KCNMA1: variants seen among roughly 807,000 people sequenced by gnomAD.
KCNMA1 encodes the protein potassium calcium-activated channel subfamily M alpha 1, also known as Calcium-activated potassium channel subunit alpha-1.
Under a neutral mutation model 140.0 loss-of-function variants are expected in KCNMA1, and 29 were observed. That is an observed-to-expected ratio of 0.21 (90% CI 0.15 to 0.28). The LOEUF is 0.28. KCNMA1 is among the 10% of genes least tolerant of loss of function. The probability of loss-of-function intolerance (pLI) is 1.00; values close to 1 mark genes in which losing one functional copy is unlikely to be tolerated. For missense variants in KCNMA1, 880 were observed against 1,602.2 expected, an observed-to-expected ratio of 0.55 and a Z score of 7.70; for synonymous variants, 612 against 611.9, an observed-to-expected ratio of 1.00 and a Z score of 0.00.
intron 2 of KCNMA1, among the ~76,000 whole-genome samples, chr10:77,329,152 T>C (rs901817755): frequency 6.6e-6 from 1 of 152,182 alleles, no homozygotes; most frequent in African/African-American, 2.4e-5. Context: ...TATATATCTA[T>C]ATTTTTAGTC....
At chr10:77,063,126 T>C (rs1565860509) in intron 14 of KCNMA1, among the ~76,000 whole-genome samples, 1 of 152,184 alleles carries the variant, frequency 6.6e-6, no homozygotes, top group African/African-American at 2.4e-5. Context: ...TGAAAATGTA[T>C]ATCTCAGCCA....
chr10:77,164,461 C>T (rs2098609556), intron 5 of KCNMA1, among the ~76,000 whole-genome samples: 1 of 152,088 alleles, frequency 6.6e-6, no homozygotes, highest in African/African-American at 2.4e-5. Context: ...TTTTAAAACA[C>T]AGACACAAAC....
At chr10:77,519,238 CCTT>C (rs1164678236) in intron 1 of KCNMA1, among the ~76,000 whole-genome samples, 1 of 152,246 alleles carries the variant, frequency 6.6e-6, no homozygotes, top group East Asian at 1.9e-4. Flanking sequence ...ATTAAGGCAA[CCTT>C]CTCCATCACC....
intron 5 of KCNMA1, among the ~76,000 whole-genome samples, chr10:77,131,861 A>C (rs1420236900): frequency 1.3e-5 from 2 of 150,464 alleles, no homozygotes; most frequent in African/African-American, 2.4e-5. Flanking sequence ...GCTACTTGGG[A>C]GGCTGAGGCA....
At chr10:77,501,812 TTCTC>T (rs2154545287) in intron 1 of KCNMA1, among the ~76,000 whole-genome samples, 1 of 152,292 alleles carries the variant, frequency 6.6e-6, no homozygotes, top group African/African-American at 2.4e-5. Context: ...ACAGAACAAA[TTCTC>T]TCTGTCTGTG....
At chr10:76,970,279 G>T in intron 19 of KCNMA1, 3 of 507,334 alleles carry the variant, frequency 5.9e-6, no homozygotes, top group Non-Finnish European at 1.1e-5. Flanking sequence ...TCCAGCCTTT[G>T]AACATACACT....
intron 1 of KCNMA1, among the ~76,000 whole-genome samples, chr10:77,509,179 G>A (rs1422004724): frequency 2.6e-5 from 4 of 152,042 alleles, no homozygotes; most frequent in African/African-American, 4.8e-5. Context: ...GGAGTGCAGT[G>A]ATGCAATCTC....
chr10:77,439,089 AGAG>A (rs1427065732), intron 1 of KCNMA1, among the ~76,000 whole-genome samples: 11 of 69,978 alleles, frequency 1.6e-4, no homozygotes, highest in African/African-American at 3.5e-4. Context: ...AGAAAAGAAA[AGAG>A]AAGAGAAGAG....
At chr10:77,127,447 C>T (rs1315836069) in intron 5 of KCNMA1, among the ~76,000 whole-genome samples, 1 of 152,132 alleles carries the variant, frequency 6.6e-6, no homozygotes, top group Non-Finnish European at 1.5e-5. Context: ...GACTCAAGCA[C>T]ACACTTTCAA....
chr10:77,204,201 G>C (rs1565196092), intron 3 of KCNMA1, among the ~76,000 whole-genome samples: 2 of 152,066 alleles, frequency 1.3e-5, no homozygotes, highest in African/African-American at 2.4e-5. Context: ...GCATTCAAAG[G>C]ACTGATTTGT....
intron 1 of KCNMA1, among the ~76,000 whole-genome samples, chr10:77,606,569 C>T (rs562682996): frequency 1.3e-4 from 20 of 152,226 alleles, no homozygotes; most frequent in African/African-American, 4.1e-4. Flanking sequence ...ATGACCATGC[C>T]ACTGCACTCT....
chr10:77,562,057 A>G (rs1216800889), intron 1 of KCNMA1, among the ~76,000 whole-genome samples: 4 of 152,238 alleles, frequency 2.6e-5, no homozygotes, highest in Non-Finnish European at 5.9e-5. Context: ...GACAGAGTCA[A>G]AATGAAAATC....
At chr10:77,022,181 T>C (rs371644462) in intron 16 of KCNMA1, among the ~76,000 whole-genome samples, 69 of 152,290 alleles carry the variant, frequency 4.5e-4, no homozygotes, top group African/African-American at 1.6e-3. Context: ...TTTGTTCTAC[T>C]GACTGCCAAA....
chr10:77,320,659 C>T (rs2082092750), intron 2 of KCNMA1, among the ~76,000 whole-genome samples: 1 of 152,144 alleles, frequency 6.6e-6, no homozygotes, highest in African/African-American at 2.4e-5. Context: ...CTCGTTGTTA[C>T]CTGCCAGCAC....
chr10:77,106,904 A>C (rs747932614), intron 9 of KCNMA1, among the ~76,000 whole-genome samples: 2 of 152,180 alleles, frequency 1.3e-5, no homozygotes, highest in Non-Finnish European at 2.9e-5. Flanking sequence ...GCTCCATTAG[A>C]GGGAAGATGG....
chr10:77,308,934 C>T (rs2078537497), intron 2 of KCNMA1, among the ~76,000 whole-genome samples: 1 of 152,160 alleles, frequency 6.6e-6, no homozygotes, highest in African/African-American at 2.4e-5. Flanking sequence ...AAATGGCCGC[C>T]AAGTCAGGAT....
At chr10:76,969,642 T>C (rs74388701) in intron 20 of KCNMA1, among the ~76,000 whole-genome samples, 160 of 152,298 alleles carry the variant, frequency 1.1e-3, no homozygotes, top group Non-Finnish European at 2.1e-3. Flanking sequence ...GTTTCTCTGA[T>C]TGGTTACCGC....
At chr10:77,263,729 G>T (rs755851554) in intron 2 of KCNMA1, among the ~76,000 whole-genome samples, 23 of 152,096 alleles carry the variant, frequency 1.5e-4, no homozygotes, top group Non-Finnish European at 3.1e-4. Context: ...TTCAGCTGAC[G>T]ATATGACACC....
chr10:77,008,042 G>C, intron 18 of KCNMA1: 1 of 780,278 alleles, frequency 1.3e-6, no homozygotes, highest in Non-Finnish European at 2.0e-6. Flanking sequence ...GAAGGAGTTG[G>C]GGCATGATGT....
Sources: gnomAD v4.1 joint callset for allele counts (sites outside exome capture counted in the v4.1 genomes callset) on GRCh38, gnomAD v4.1.1 for gene constraint, MANE v1.5 for transcripts, NCBI Gene and HGNC (gene_info 2026-07-23, HGNC 2026-07-21) for gene names.